The following PRKN variants were observed in gnomAD, a reference collection of about 807,000 sequenced individuals.
PRKN encodes parkin RBR E3 ubiquitin protein ligase.
In PRKN, 56 loss-of-function variants were observed where a neutral mutation model predicts 59.5. The observed-to-expected ratio is 0.94, with a 90% CI of 0.76 to 1.18. The LOEUF (loss-of-function observed/expected upper bound fraction) is 1.18. PRKN is among the 50% of genes most tolerant of loss of function. The probability of loss-of-function intolerance (pLI) is 0.00; values close to 1 mark genes in which losing one functional copy is unlikely to be tolerated. For missense variants in PRKN, 657 were observed against 596.4 expected, an observed-to-expected ratio of 1.10 and a Z score of -1.06; for synonymous variants, 250 against 222.1, an observed-to-expected ratio of 1.13 and a Z score of -1.12.
chr6:162,365,014 AT>A (rs1562704144), intron 2 of PRKN, among the ~76,000 whole-genome samples: 1 of 116,238 alleles, frequency 8.6e-6, no homozygotes, highest in African/African-American at 3.3e-5. Flanking sequence ...GTAGTGTGGG[AT>A]TTTCTTTGGC....
intron 4 of PRKN, among the ~76,000 whole-genome samples, chr6:162,146,448 A>C (rs760773041): frequency 1.4e-5 from 2 of 144,322 alleles, no homozygotes; most frequent in Non-Finnish European, 3.0e-5. Context: ...ATATATCGAT[A>C]GATAGATAGA....
At chr6:161,918,463 T>C (rs1239840617) in intron 6 of PRKN, among the ~76,000 whole-genome samples, 1 of 152,206 alleles carries the variant, frequency 6.6e-6, no homozygotes, top group Non-Finnish European at 1.5e-5. Flanking sequence ...CCATGAGTCA[T>C]CGACAAATAT....
intron 2 of PRKN, among the ~76,000 whole-genome samples, chr6:162,267,865 C>CA (rs1047736785): frequency 8.5e-5 from 13 of 152,052 alleles, no homozygotes; most frequent in Admixed American, 6.6e-4. Flanking sequence ...CAATAATATA[C>CA]AAAAAACTGA....
At chr6:161,505,276 T>C (rs1432215108) in intron 9 of PRKN, among the ~76,000 whole-genome samples, 3 of 152,080 alleles carry the variant, frequency 2.0e-5, no homozygotes, top group African/African-American at 7.3e-5. Context: ...TGATGGCCAG[T>C]GATGGTGAGC....
Position 161,554,403 on chromosome 6 carries a change from T to TAAAC in PRKN, c.934-5401_934-5400insGTTT, listed in dbSNP as rs1554275646. On this transcript the variant is annotated intron_variant, in intron 8 of 11. Coordinates refer to ENST00000366898, the MANE Select transcript of PRKN (RefSeq NM_004562.3). This position sits in a 1 kb window ranked among gnomAD's most constrained non-coding sequence, Gnocchi z 4.5. ...TAACCTTCATGTTATCTTACTTCTA[T>TAAAC]ACACACACACACACACACACACACA... Among the ~76,000 whole-genome samples the TAAAC allele has an allele frequency of 3.4e-5, 5 of 146,990 alleles. No individual in the cohort carries two copies. The highest frequency in any genetic ancestry group is 1.3e-4 in the African/African-American group (5 of 39,812).
At chr6:162,495,774 C>A (rs1337660424) in intron 1 of PRKN, among the ~76,000 whole-genome samples, 4 of 152,146 alleles carry the variant, frequency 2.6e-5, no homozygotes, top group Non-Finnish European at 5.9e-5. Context: ...TCCACAGGTG[C>A]TTCCAGACAC....
intron 6 of PRKN, among the ~76,000 whole-genome samples, chr6:161,945,168 C>T (rs978386774): frequency 6.6e-6 from 1 of 151,912 alleles, no homozygotes; most frequent in Non-Finnish European, 1.5e-5. Context: ...TATGGGAGGC[C>T]GGATTGGAAG....
chr6:162,693,951 T>C (rs922117864), intron 1 of PRKN, among the ~76,000 whole-genome samples: 6 of 152,166 alleles, frequency 3.9e-5, no homozygotes, highest in African/African-American at 9.7e-5. Flanking sequence ...AATTTGGTAC[T>C]TAAAATGTTG....
At chr6:162,633,367 G>A (rs1483517300) in intron 1 of PRKN, among the ~76,000 whole-genome samples, 2 of 144,046 alleles carry the variant, frequency 1.4e-5, no homozygotes, top group South Asian at 4.5e-4. Context: ...TCCAGGAGGC[G>A]GAGGTTGCAG....
intron 6 of PRKN, among the ~76,000 whole-genome samples, chr6:161,863,610 AACCCAGTCATCAGCACCATAC>A (rs965801629): frequency 6.6e-6 from 1 of 152,188 alleles, no homozygotes; most frequent in African/African-American, 2.4e-5. Flanking sequence ...TATGACAATT[AACCCAGTCATCAGCACCATAC>A]ACCTGGGCAA....
intron 2 of PRKN, among the ~76,000 whole-genome samples, chr6:162,364,478 T>C (rs547391639): frequency 3.3e-5 from 5 of 152,064 alleles, no homozygotes; most frequent in South Asian, 4.2e-4. Flanking sequence ...AATAAAAACA[T>C]AAAATAAATA....
rs185281870 is a variant in PRKN at position 161,798,029 on chromosome 6, G to C, written c.735-12121C>G. Among the ~76,000 whole-genome samples the C allele has an allele frequency of 3.9e-3, 589 of 152,210 alleles. 3 individuals carry two copies. The highest frequency in any genetic ancestry group is 0.013 in the African/African-American group (526 of 41,550). Reference sequence around the variant, plus strand: ...ATTCTGGCTAACATGGTGAAACCCTGTCTCTACTAAAACTACAAAAAATTA... The same window carrying C: ...ATTCTGGCTAACATGGTGAAACCCTCTCTCTACTAAAACTACAAAAAATTA... On this transcript the variant is annotated intron_variant, in intron 6 of 11. Coordinates refer to ENST00000366898, the MANE Select transcript of PRKN (RefSeq NM_004562.3).
intron 7 of PRKN, among the ~76,000 whole-genome samples, chr6:161,691,959 T>C (rs911514242): frequency 1.3e-5 from 2 of 151,354 alleles, no homozygotes; most frequent in African/African-American, 4.8e-5. Context: ...CATCACACAC[T>C]TTGAATACAA....
At chr6:162,352,555 T>C (rs1219460539) in intron 2 of PRKN, among the ~76,000 whole-genome samples, 1 of 152,062 alleles carries the variant, frequency 6.6e-6, no homozygotes, top group Admixed American at 6.6e-5. Context: ...AACTCTAATA[T>C]GGGAGGAGAG....
chr6:162,216,064 A>G (rs1324330332), intron 3 of PRKN, among the ~76,000 whole-genome samples: 1 of 152,112 alleles, frequency 6.6e-6, no homozygotes, highest in Admixed American at 6.5e-5. Context: ...ACTGAAGGGC[A>G]ATGAACTTAA....
intron 5 of PRKN, among the ~76,000 whole-genome samples, chr6:162,021,461 ATTTTTTTT>A (rs72433488): frequency 0.075 from 1,847 of 24,654 alleles, 62 homozygotes; most frequent in African/African-American, 0.16. Context: ...ATATATATAT[ATTTTTTTT>A]TTTTTTTTCC....
chr6:162,256,314 G>T (rs1779638102), intron 3 of PRKN, among the ~76,000 whole-genome samples: 1 of 152,080 alleles, frequency 6.6e-6, no homozygotes, highest in Non-Finnish European at 1.5e-5. Flanking sequence ...TGTATGAAAT[G>T]TTTGGAAGCT....
rs545730587 is a variant in PRKN, at chr6:161,700,374, C to T, written c.871+85398G>A. Reference sequence around the variant, plus strand: ...TTCTTGGGAAAGTCCAATTATTTCTCCCACCAAAGTTTGGCTTCAGTGGCC... The same window carrying T: ...TTCTTGGGAAAGTCCAATTATTTCTTCCACCAAAGTTTGGCTTCAGTGGCC... On this transcript the variant is annotated intron_variant, in intron 7 of 11. Coordinates refer to ENST00000366898, the MANE Select transcript of PRKN (RefSeq NM_004562.3). 2.1e-4 allele frequency among the ~76,000 whole-genome samples: 32 copies of T among 152,206 alleles called. No individual in the cohort carries two copies. In the South Asian group the frequency reaches 6.0e-3, roughly 29 times the overall value.
chr6:161,839,937 CAT>C (rs1241837543), intron 6 of PRKN, among the ~76,000 whole-genome samples: 2 of 152,226 alleles, frequency 1.3e-5, no homozygotes, highest in African/African-American at 2.4e-5. Context: ...CAAAATCTGA[CAT>C]ATTCAATTTT....
Sources: allele counts gnomAD v4.1 joint callset (sites outside exome capture counted in the v4.1 genomes callset), GRCh38; gene constraint gnomAD v4.1.1; non-coding constraint Gnocchi (gnomAD v3.1); transcripts MANE v1.5; gene names NCBI Gene and HGNC (gene_info 2026-07-23, HGNC 2026-07-21).